The following SH3BGRL2 variants were observed in gnomAD, a reference collection of about 807,000 sequenced individuals.
The protein encoded by SH3BGRL2 is SH3 domain binding glutamate rich protein like 2, also known as SH3 domain-binding glutamic acid-rich-like protein 2.
In SH3BGRL2, 21 loss-of-function variants were observed where a neutral mutation model predicts 14.8. That is an observed-to-expected ratio of 1.42 (90% CI 1.01 to 2.05). The LOEUF (loss-of-function observed/expected upper bound fraction) is 2.05, where lower values mean the gene tolerates loss of function less well. Among genes scored for constraint, SH3BGRL2 ranks in the 30% most tolerant of loss-of-function variants. The probability of loss-of-function intolerance (pLI) is 0.00; values close to 1 mark genes in which losing one functional copy is unlikely to be tolerated. For missense variants in SH3BGRL2, 147 were observed against 130.8 expected (o/e 1.12, Z -0.61); for synonymous variants, 50 against 47.8 (o/e 1.05, Z -0.19).
chr6:79,542,377 A>G, the SH3BGRL2 span, among the ~76,000 whole-genome samples: 36 of 151,800 alleles, frequency 2.4e-4, no homozygotes, highest in South Asian at 3.3e-3. Flanking sequence ...GGTTCAAGCA[A>G]TTCTGCCTCA....
chr6:79,643,655 T>C (rs1483004924), intron 1 of SH3BGRL2, among the ~76,000 whole-genome samples: 1 of 152,210 alleles, frequency 6.6e-6, no homozygotes, highest in African/African-American at 2.4e-5. Flanking sequence ...TAACTTGGTA[T>C]AGTAGCTATT....
At chr6:79,646,964 A>G (rs1769156367) in intron 1 of SH3BGRL2, among the ~76,000 whole-genome samples, 1 of 152,156 alleles carries the variant, frequency 6.6e-6, no homozygotes, top group African/African-American at 2.4e-5. Context: ...GGTTGCTTCT[A>G]CTTTTTGGCT....
At chr6:79,586,235 C>CTTTTTTTTTTTTTTT in the SH3BGRL2 span, among the ~76,000 whole-genome samples, 1 of 54,962 alleles carries the variant, frequency 1.8e-5, no homozygotes, top group Non-Finnish European at 3.1e-5. Context: ...GTATGGACTT[C>CTTTTTTTTTTTTTTT]TTTTTTTTTT....
the SH3BGRL2 span, among the ~76,000 whole-genome samples, chr6:79,549,764 T>G: frequency 4.6e-5 from 7 of 152,202 alleles, no homozygotes; most frequent in African/African-American, 1.7e-4. Flanking sequence ...TAATAGATAC[T>G]GTCTAAAATT....
the SH3BGRL2 span, among the ~76,000 whole-genome samples, chr6:79,595,571 A>G: frequency 6.6e-6 from 1 of 152,190 alleles, no homozygotes. Flanking sequence ...CCAAAAAATA[A>G]AAACCATATG....
At chr6:79,699,165 T>C (rs2235880) in intron 3 of SH3BGRL2, among the ~76,000 whole-genome samples, 124,038 of 152,062 alleles carry the variant, frequency 0.82, 50,708 homozygotes, top group East Asian at 0.98. Flanking sequence ...TTGCTATTAA[T>C]GGGCATCTCT....
chr6:79,557,542 A>C, the SH3BGRL2 span, among the ~76,000 whole-genome samples: 1 of 152,154 alleles, frequency 6.6e-6, no homozygotes, highest in Non-Finnish European at 1.5e-5. Context: ...AAATGTGGGG[A>C]GCTATTAATA....
chr6:79,572,664 A>T, the SH3BGRL2 span, among the ~76,000 whole-genome samples: 1 of 151,914 alleles, frequency 6.6e-6, no homozygotes, highest in South Asian at 2.1e-4. Flanking sequence ...ATGGGGTTTC[A>T]CTGTGTTAGC....
At chr6:79,563,999 T>TA in the SH3BGRL2 span, among the ~76,000 whole-genome samples, 5 of 152,054 alleles carry the variant, frequency 3.3e-5, no homozygotes, top group Admixed American at 6.6e-5. Flanking sequence ...GGAATAATTA[T>TA]AAAAAAACTG....
At chr6:79,667,153 T>C (rs747158872) in intron 1 of SH3BGRL2, among the ~76,000 whole-genome samples, 88 of 152,328 alleles carry the variant, frequency 5.8e-4, no homozygotes, top group Non-Finnish European at 8.5e-4. Flanking sequence ...TGAACCAGCA[T>C]AGGTTCAGAA....
chr6:79,570,637 C>T, the SH3BGRL2 span, among the ~76,000 whole-genome samples: 3 of 152,128 alleles, frequency 2.0e-5, no homozygotes, highest in African/African-American at 4.8e-5. Flanking sequence ...CTTTACCAAC[C>T]CTGCCAGAAC....
chr6:79,635,682 C>G lies in SH3BGRL2; in HGVS notation c.45+4176C>G, dbSNP rs145982329. On this transcript the variant is annotated intron_variant, in intron 1 of 3. Coordinates refer to ENST00000369838, the MANE Select transcript of SH3BGRL2 (RefSeq NM_031469.4). ...AAATGAGCTAGACATCAGTATATCCCTGGATGTTGGAGAGCAACCATCACT... is the reference window on the plus strand; with the variant it reads ...AAATGAGCTAGACATCAGTATATCCGTGGATGTTGGAGAGCAACCATCACT... Among the ~76,000 whole-genome samples the G allele has an allele frequency of 2.4e-3, 361 of 152,296 alleles. 2 individuals are homozygous for G. The highest frequency in any genetic ancestry group is 7.9e-3 in the African/African-American group (328 of 41,568).
chr6:79,539,503 A>G, the SH3BGRL2 span, among the ~76,000 whole-genome samples: 1 of 152,280 alleles, frequency 6.6e-6, no homozygotes, highest in Non-Finnish European at 1.5e-5. Context: ...AGCACTTTGG[A>G]GTTTTATTTT....
chr6:79,703,339 T>G lies in SH3BGRL2; in HGVS notation c.*3830T>G, dbSNP rs1285399810. The G allele has an allele frequency of 6.6e-6, 1 of 150,686 alleles. No individual in the cohort carries two copies. Among genetic ancestry groups the G allele is most frequent in the Non-Finnish European group, 1.5e-5 (1 of 68,032 alleles). 9.3% of individuals were successfully genotyped at this position (150,686 alleles called of 1,614,324 possible). ...CATTTGAGACATTATACATAATTTGTTTTTGTTATAAGCCATTTGAATTTT... is the reference window on the plus strand; with the variant it reads ...CATTTGAGACATTATACATAATTTGGTTTTGTTATAAGCCATTTGAATTTT... On this transcript the variant is annotated 3_prime_UTR_variant, in exon 4 of 4. Coordinates refer to ENST00000369838, the MANE Select transcript of SH3BGRL2 (RefSeq NM_031469.4).
chr6:79,579,286 G>A, the SH3BGRL2 span, among the ~76,000 whole-genome samples: 4 of 152,208 alleles, frequency 2.6e-5, no homozygotes, highest in East Asian at 1.9e-4. Flanking sequence ...TAAAATTCAG[G>A]AAATACAGAG....
chr6:79,635,472 A>G (rs1464054422), intron 1 of SH3BGRL2, among the ~76,000 whole-genome samples: 1 of 152,218 alleles, frequency 6.6e-6, no homozygotes, highest in East Asian at 1.9e-4. Flanking sequence ...TTACTTACCC[A>G]GGTTCTGTAT....
At chr6:79,603,869 A>G in the SH3BGRL2 span, among the ~76,000 whole-genome samples, 3 of 152,008 alleles carry the variant, frequency 2.0e-5, no homozygotes, top group African/African-American at 7.3e-5. Flanking sequence ...CAGTGGTGCA[A>G]TCTCAGCTCA....
chr6:79,593,409 C>G, the SH3BGRL2 span, among the ~76,000 whole-genome samples: 1 of 152,180 alleles, frequency 6.6e-6, no homozygotes, highest in South Asian at 2.1e-4. Context: ...CTATAGGATT[C>G]TGCCCAGTCC....
the SH3BGRL2 span, among the ~76,000 whole-genome samples, chr6:79,580,948 A>G: frequency 1.3e-5 from 2 of 152,242 alleles, no homozygotes; most frequent in Admixed American, 1.3e-4. Flanking sequence ...AAAAAATGAT[A>G]AATGGGATAT....
Sources: gnomAD v4.1 joint callset for allele counts (sites outside exome capture counted in the v4.1 genomes callset) on GRCh38, gnomAD v4.1.1 for gene constraint, MANE v1.5 for transcripts, NCBI Gene and HGNC (gene_info 2026-07-23, HGNC 2026-07-21) for gene names.